Variants in LAMA3 observed in about 807,000 individuals in gnomAD.
LAMA3 encodes the protein laminin subunit alpha 3, also known as laminin subunit alpha-3.
Under a neutral mutation model 402.0 loss-of-function variants are expected in LAMA3, and 281 were observed. The ratio of observed to expected loss-of-function variants is 0.70; its 90% CI spans 0.63 to 0.77. LAMA3 has a LOEUF of 0.77. LAMA3 is among the 30% of genes least tolerant of loss of function. The pLI is 0.00. For synonymous variants in LAMA3, 1,431 were observed against 1,558.4 expected (o/e 0.92, Z 1.93); for missense variants, 3,840 against 4,215.5 (o/e 0.91, Z 2.47).
In LAMA3 at chr18:23,950,050, C is replaced by T. The variant is rs756402937; in HGVS notation, c.9533C>T (p.Pro3178Leu). The T allele has an allele frequency of 6.2e-7, 1 of 1,614,054 alleles. No homozygotes were observed. Among genetic ancestry groups the T allele is most frequent in the South Asian group, 1.1e-5 (1 of 91,052 alleles). Residue 3178 changes from proline to leucine, a missense_variant, in exon 72 of 75, where the codon CCA (proline) becomes CTA (leucine). Pro to Leu is a moderately conservative substitution (Grantham distance 98). This residue lies in a region of LAMA3 where 840 missense variants were observed against 981.9 expected (regional missense o/e 0.86). Transcript: ENST00000313654. ...VVLAHSVLLG[P>L]EFKLVFSIRP... Reference sequence around the variant, plus strand: ...AAAGCTCACTCTGTATTGTTGGGGCCAGAATTTAAGCTTGTTTTCAGCATC... The same window carrying T: ...AAAGCTCACTCTGTATTGTTGGGGCTAGAATTTAAGCTTGTTTTCAGCATC...
intron 38 of LAMA3, chr18:23,873,027 G>T (rs747580047): frequency 6.2e-7 from 1 of 1,614,088 alleles, no homozygotes; most frequent in Admixed American, 1.7e-5. Flanking sequence ...CGCAGCCAGC[G>T]GACGTCCAGG....
At position 23,751,040 on chromosome 18, in the gene LAMA3, T is replaced by C. The variant is rs2061742429; in HGVS notation, c.807T>C (p.Leu269=). Residue 269 remains leucine (L), a synonymous_variant, in exon 5 of 75, where the codon CTT becomes CTC. Transcript: ENST00000313654. The stretch of plus-strand genomic sequence containing the variant: ...GTTTTCTTAGAACCAATACGCTTCT[T>C]GGACACCTCATCTCCAAAGCCCAGC... ...RLRFLRTNTL[L]GHLISKAQRD... 6.2e-7 allele frequency: 1 copy of C among 1,614,186 alleles called. No homozygotes were observed. The highest frequency in any genetic ancestry group is 2.2e-5 in the East Asian group (1 of 44,880).
chr18:23,924,460 T>C (rs745388994), intron 62 of LAMA3, among the ~76,000 whole-genome samples: 2 of 151,330 alleles, frequency 1.3e-5, no homozygotes, highest in Admixed American at 6.6e-5. Context: ...CCTAGAATTT[T>C]CTTAGTAACT....
At chr18:23,782,937 G>A (rs889532394) in intron 11 of LAMA3, among the ~76,000 whole-genome samples, 3 of 152,106 alleles carry the variant, frequency 2.0e-5, no homozygotes, top group Admixed American at 2.0e-4. Context: ...CTCTCATGAA[G>A]TGTCCAGTCT....
intron 52 of LAMA3, among the ~76,000 whole-genome samples, chr18:23,906,979 AC>A (rs569414767): frequency 3.9e-5 from 6 of 152,136 alleles, no homozygotes; most frequent in Non-Finnish European, 8.8e-5. Context: ...CCTTTCTTTC[AC>A]AGAATTTTTA....
At chr18:23,943,031 A>G (rs2082578996) in intron 68 of LAMA3, among the ~76,000 whole-genome samples, 1 of 152,232 alleles carries the variant, frequency 6.6e-6, no homozygotes, top group South Asian at 2.1e-4. Flanking sequence ...TCTGTCTAAC[A>G]GAAAGGAAAG....
chr18:23,920,743 A>G (rs1204706773), intron 60 of LAMA3, among the ~76,000 whole-genome samples, 192 bp from the exon 61 acceptor site: 1 of 152,228 alleles, frequency 6.6e-6, no homozygotes, highest in Non-Finnish European at 1.5e-5. Context: ...TGTGCGTGAC[A>G]TTTAACGTGA....
At chr18:23,901,851 G>A (rs1027144479) in intron 48 of LAMA3, among the ~76,000 whole-genome samples, 1 of 152,122 alleles carries the variant, frequency 6.6e-6, no homozygotes, top group Non-Finnish European at 1.5e-5. Flanking sequence ...GCGCCACCAC[G>A]CCTGGCTAAT....
chr18:23,763,363 T>G (rs1383048477), intron 7 of LAMA3, 42 bp from the exon 8 acceptor site: 1 of 1,175,058 alleles, frequency 8.5e-7, no homozygotes, highest in Non-Finnish European at 1.3e-6. Context: ...AAGCGTCTGA[T>G]AGTAATAATG....
At position 23,874,345 on chromosome 18, in the gene LAMA3, G is replaced by A. The variant is rs181120754; in HGVS notation, c.4999-1949G>A. On this transcript the variant is annotated intron_variant, in intron 38 of 74. Transcript: ENST00000313654. ...ATGACACCATCATTGGCTGCATTTC[G>A]TTCACATGTAAATCTCAATTGTGCT... is the stretch of plus-strand genomic sequence containing the variant. Among the ~76,000 whole-genome samples, 5 of 152,286 alleles carry A rather than the reference G, an allele frequency of 3.3e-5. No homozygotes were observed. In the East Asian group the frequency reaches 5.8e-4, roughly 18 times the overall value.
intron 64 of LAMA3, among the ~76,000 whole-genome samples, chr18:23,930,784 A>C (rs2082139249): frequency 1.3e-5 from 2 of 152,218 alleles, no homozygotes; most frequent in African/African-American, 2.4e-5. Context: ...TGTTTTGTAT[A>C]GTCGATTGAG....
intron 12 of LAMA3, among the ~76,000 whole-genome samples, chr18:23,791,692 C>T (rs2062657450): frequency 6.8e-6 from 1 of 146,384 alleles, no homozygotes; most frequent in East Asian, 2.0e-4. Flanking sequence ...TGAGATCGCA[C>T]CACTGGACTC....
At chr18:23,858,087 C>G in intron 33 of LAMA3, 99 bp downstream of exon 33, 3 of 1,379,956 alleles carry the variant, frequency 2.2e-6, no homozygotes, top group Non-Finnish European at 3.1e-6. Context: ...ATGGGACTGA[C>G]CCGTAAGAGA....
intron 32 of LAMA3, among the ~76,000 whole-genome samples, chr18:23,856,055 G>A (rs140340292): frequency 9.9e-4 from 150 of 152,272 alleles, no homozygotes; most frequent in African/African-American, 3.4e-3. Context: ...TAATCCTCAC[G>A]ACAATCCTGT....
At chr18:23,822,609 A>G (rs1025142052) in intron 20 of LAMA3, among the ~76,000 whole-genome samples, 2 of 152,226 alleles carry the variant, frequency 1.3e-5, no homozygotes, top group African/African-American at 4.8e-5. Flanking sequence ...TCGATATAAC[A>G]ACCTATGTAC....
intron 12 of LAMA3, among the ~76,000 whole-genome samples, chr18:23,807,399 A>C (rs1203108706): frequency 6.6e-6 from 1 of 152,142 alleles, no homozygotes; most frequent in East Asian, 1.9e-4. Context: ...AGATAGATAG[A>C]TAGGTACGTA....
At chr18:23,841,365 C>T (rs1478015925) in intron 27 of LAMA3, among the ~76,000 whole-genome samples, 2 of 152,156 alleles carry the variant, frequency 1.3e-5, no homozygotes, top group African/African-American at 2.4e-5. Flanking sequence ...GGCTTGTACT[C>T]GAGCTTGAGC....
chr18:23,880,973 A>G (rs1223237811), intron 39 of LAMA3, among the ~76,000 whole-genome samples: 1 of 152,252 alleles, frequency 6.6e-6, no homozygotes, highest in Non-Finnish European at 1.5e-5. Context: ...TAAAATACAT[A>G]GGCAAATGTT....
chr18:23,953,102 T>A lies in LAMA3; in HGVS notation c.9849T>A (p.Gly3283=). 1 of 1,613,982 alleles carries A rather than the reference T, an allele frequency of 6.2e-7. No individual in the cohort carries two copies. Among genetic ancestry groups the A allele is most frequent in the Non-Finnish European group, 8.5e-7 (1 of 1,179,926 alleles). ...ASTQEPLHLG[G]APANLTTLRI... Reference sequence around the variant, plus strand: ...CTCAAGAGCCACTACACCTTGGAGGTGCTCCAGGTAACTCTTGTCCTGACT... The same window carrying A: ...CTCAAGAGCCACTACACCTTGGAGGAGCTCCAGGTAACTCTTGTCCTGACT... The change falls in exon 74 of 75, where the codon GGT becomes GGA. Residue 3283 remains glycine (G), a synonymous_variant. Transcript: ENST00000313654.
Sources: gnomAD v4.1 joint callset for allele counts (sites outside exome capture counted in the v4.1 genomes callset) on GRCh38, gnomAD v4.1.1 for gene constraint, gnomAD v4.1.1 regional missense constraint, MANE v1.5 for transcripts, NCBI Gene and HGNC (gene_info 2026-07-23, HGNC 2026-07-21) for gene names.